FAT4: variants seen among roughly 807,000 people sequenced by gnomAD.
The protein encoded by FAT4 is protocadherin Fat 4.
FAT4 carries 84 observed loss-of-function variants against 303.9 expected under a neutral mutation model. That is an observed-to-expected ratio of 0.28 (90% CI 0.23 to 0.33). The LOEUF is 0.33. Among genes scored for constraint, FAT4 ranks in the 10% least tolerant of loss-of-function variants. The probability of loss-of-function intolerance (pLI) is 1.00; values close to 1 mark genes in which losing one functional copy is unlikely to be tolerated. For synonymous variants in FAT4, 2,307 were observed against 2,298.8 expected (o/e 1.00, Z -0.10); for missense variants, 6,005 against 6,146.8 (o/e 0.98, Z 0.77).
rs373102326 is a variant in FAT4, at chr4:125,466,115, C to T, written c.11906-2397C>T. The stretch of plus-strand genomic sequence containing the variant: ...CTATTTGGATTTCAAAAAATTTTTT[C>T]GATACTTAGATTTTTTAATTTAAAT... On this transcript the variant is annotated intron_variant, in intron 11 of 17. Coordinates refer to ENST00000394329, the MANE Select transcript of FAT4 (RefSeq NM_001291303.3). Among the ~76,000 whole-genome samples, 38 of 152,082 alleles carry T rather than the reference C, an allele frequency of 2.5e-4. No homozygotes were observed. In the East Asian group the frequency reaches 4.6e-3, roughly 19 times the overall value.
chr4:125,415,228 C>G lies in FAT4; in HGVS notation c.6265C>G (p.Leu2089Val), dbSNP rs889404437. ...SGPNSYIEYT[L>V]LNPLGNKFSI... is the part of the protein sequence containing the mutation. ...CCCAAACAGCTATATTGAGTACACT[C>G]TGCTGAACCCTTTGGGAAACAAGTT... Residue 2089 changes from leucine to valine, a missense_variant, in exon 6 of 18, where the codon CTG becomes GTG. By Grantham distance (32) the Leu-to-Val change is conservative. Transcript: ENST00000394329. 1.2e-6 allele frequency: 2 copies of G among 1,613,964 alleles called. No homozygotes were observed. The highest frequency in any genetic ancestry group is 1.7e-6 in the Non-Finnish European group (2 of 1,179,966).
At chr4:125,458,043 T>C (rs1434453961) in intron 10 of FAT4, among the ~76,000 whole-genome samples, 1 of 152,082 alleles carries the variant, frequency 6.6e-6, no homozygotes, top group Non-Finnish European at 1.5e-5. Flanking sequence ...AAATGCAGCA[T>C]TTTGATAGAG....
At chr4:125,411,609 A>G (rs1334133466) in intron 5 of FAT4, among the ~76,000 whole-genome samples, 2 of 151,652 alleles carry the variant, frequency 1.3e-5, no homozygotes, top group Admixed American at 1.3e-4. Context: ...CTATGTGAAA[A>G]GTTGACAAAT....
intron 5 of FAT4, 44 bp from the exon 6 acceptor site, chr4:125,414,840 A>G: frequency 7.4e-7 from 1 of 1,357,618 alleles, no homozygotes; most frequent in Non-Finnish European, 1.0e-6. Context: ...TTGTTCTGCA[A>G]TCAGCATATG....
At chr4:125,373,368 A>C (rs1415362332) in intron 2 of FAT4, among the ~76,000 whole-genome samples, 1 of 152,142 alleles carries the variant, frequency 6.6e-6, no homozygotes, top group Non-Finnish European at 1.5e-5. Flanking sequence ...TCTAACAGAG[A>C]CAAATTTCAT....
intron 2 of FAT4, among the ~76,000 whole-genome samples, chr4:125,377,483 C>A (rs1459986267): frequency 2.0e-5 from 3 of 152,064 alleles, no homozygotes; most frequent in Non-Finnish European, 4.4e-5. Context: ...CCAAACAAGT[C>A]AGTTTTGGTT....
chr4:125,426,468 C>A (rs1244217348), intron 7 of FAT4, among the ~76,000 whole-genome samples: 1 of 151,928 alleles, frequency 6.6e-6, no homozygotes, highest in Non-Finnish European at 1.5e-5. Flanking sequence ...AATCTTGTTT[C>A]CAAAGTTGAT....
intron 12 of FAT4, among the ~76,000 whole-genome samples, chr4:125,475,967 T>C (rs1266001083): frequency 1.3e-5 from 2 of 152,128 alleles, no homozygotes; most frequent in Admixed American, 1.3e-4. Flanking sequence ...TAGGTATAGA[T>C]AGTCATAATT....
intron 3 of FAT4, 58 bp from the exon 4 acceptor site, chr4:125,406,822 T>C: frequency 1.3e-6 from 2 of 1,556,738 alleles, no homozygotes; most frequent in Non-Finnish European, 8.7e-7. Context: ...CAAAAGAAAA[T>C]ATAAGGAGCA....
rs201407156 is a variant in FAT4, at chr4:125,416,561, A to G, written c.6957A>G (p.Thr2319=). ...CAGCCAGTGGAGAACTTGGAGTAAC[A>G]CAGAGTCTGGATCGGGAAACAAAAG... ...TLSASGELGV[T]QSLDRETKER... is the part of the protein sequence containing the mutation. The change falls in exon 7 of 18, where the codon ACA becomes ACG. Residue 2319 remains threonine, a synonymous_variant. Transcript: ENST00000394329. The G allele has an allele frequency of 5.1e-5, 83 of 1,614,026 alleles. No homozygotes were observed. The Admixed American group carries it at 7.3e-4, about 14-fold the overall frequency.
chr4:125,390,184 G>A (rs1376811023), intron 2 of FAT4, among the ~76,000 whole-genome samples: 4 of 152,076 alleles, frequency 2.6e-5, no homozygotes, highest in South Asian at 2.1e-4. Flanking sequence ...ACAATTAGGC[G>A]TTGAATTTTT....
At position 125,415,399 on chromosome 4, in the gene FAT4, G is replaced by T; in HGVS notation, c.6436G>T (p.Asp2146Tyr). 4 of 1,614,024 alleles carry T rather than the reference G, an allele frequency of 2.5e-6. No individual in the cohort carries two copies. The highest frequency in any genetic ancestry group is 2.5e-6 in the Non-Finnish European group (3 of 1,179,968). Residue 2146 changes from aspartate to tyrosine, a missense_variant, in exon 6 of 18, where the codon GAC becomes TAC. Asp to Tyr is a radical substitution (Grantham distance 160, BLOSUM62 -3). Transcript: ENST00000394329. Reference protein sequence around the residue: ...SSTEVVVMVLDINDNNPIFAQ... With the variant: ...SSTEVVVMVLYINDNNPIFAQ... ...TACAGAGGTTGTAGTTATGGTACTT[G>T]ACATCAATGATAACAACCCCATCTT...
In FAT4 at chr4:125,315,319, C is replaced by T. The variant is rs1274089995; in HGVS notation, c.-671C>T. On this transcript the variant is annotated 5_prime_UTR_variant, in exon 1 of 18. Transcript: ENST00000394329. ...GTGAAGGAGAGAGAGGCATCAACCA[C>T]CCCCCGCCCCAAACAAAAAGCCTTG... Among the ~76,000 whole-genome samples the T allele has an allele frequency of 1.3e-5, 2 of 152,090 alleles. No individual in the cohort carries two copies. The highest frequency in any genetic ancestry group is 4.8e-5 in the African/African-American group (2 of 41,430).
At chr4:125,457,981 T>A (rs1488643075) in intron 10 of FAT4, among the ~76,000 whole-genome samples, 1 of 152,056 alleles carries the variant, frequency 6.6e-6, no homozygotes, top group East Asian at 1.9e-4. Context: ...GTTTTCGCTG[T>A]TTGCATCACA....
At chr4:125,436,584 A>C (rs543298623) in intron 8 of FAT4, among the ~76,000 whole-genome samples, 141 of 152,304 alleles carry the variant, frequency 9.3e-4, no homozygotes, top group African/African-American at 2.5e-3. Context: ...GAGACTGGGT[A>C]ATTTATAAAG....
intron 7 of FAT4, among the ~76,000 whole-genome samples, chr4:125,431,228 A>G (rs1725272490): frequency 6.6e-6 from 1 of 152,214 alleles, no homozygotes; most frequent in Non-Finnish European, 1.5e-5. Flanking sequence ...TCTAATTGTG[A>G]ATTACAGCAC....
chr4:125,343,857 T>C (rs1040101926), intron 2 of FAT4, among the ~76,000 whole-genome samples: 16 of 152,258 alleles, frequency 1.1e-4, no homozygotes, highest in African/African-American at 3.6e-4. Flanking sequence ...AGATAAAGCA[T>C]GAGATATTTC....
Position 125,490,365 on chromosome 4 carries a change from G to A in FAT4, c.13549G>A (p.Val4517Ile), listed in dbSNP as rs142649500. ...VPAIVGSCAT[V>I]LALLVLSLIL... ...TGCCATCGTGGGCAGCTGCGCAACC[G>A]TCTTGGCCCTCCTGGTCCTTAGCCT... is the stretch of plus-strand genomic sequence containing the variant. The change falls in exon 18 of 18, where the codon GTC becomes ATC. Residue 4517 changes from valine (V) to isoleucine (I), a missense_variant. Val to Ile is a conservative substitution (Grantham distance 29, BLOSUM62 3). Transcript: ENST00000394329. 22 of 1,614,014 alleles carry A rather than the reference G, an allele frequency of 1.4e-5. No individual in the cohort carries two copies. The highest frequency in any genetic ancestry group is 4.0e-5 in the African/African-American group (3 of 74,906).
At chr4:125,436,740 A>C (rs1725467528) in intron 8 of FAT4, among the ~76,000 whole-genome samples, 1 of 152,152 alleles carries the variant, frequency 6.6e-6, no homozygotes, top group Non-Finnish European at 1.5e-5. Context: ...TAAAACCATC[A>C]GTTCTTGTGA....
Sources: gnomAD v4.1 joint callset for allele counts (sites outside exome capture counted in the v4.1 genomes callset) on GRCh38, gnomAD v4.1.1 for gene constraint, MANE v1.5 for transcripts, NCBI Gene and HGNC (gene_info 2026-07-23, HGNC 2026-07-21) for gene names.